The following ADD1 variants were observed in gnomAD, a reference collection of about 807,000 sequenced individuals.
The protein encoded by ADD1 is alpha-adducin.
In ADD1, 24 loss-of-function variants were observed where a neutral mutation model predicts 80.5. The ratio of observed to expected loss-of-function variants is 0.30; its 90% CI spans 0.22 to 0.42. The LOEUF is 0.42. Among genes scored for constraint, ADD1 ranks in the 10% least tolerant of loss-of-function variants. ADD1 has a pLI of 1.00. For missense variants in ADD1, 948 were observed against 1,019.0 expected (o/e 0.93, Z 0.95); for synonymous variants, 373 against 393.8 (o/e 0.95, Z 0.63).
chr4:2,918,002 A>G (rs1040203236), intron 14 of ADD1, among the ~76,000 whole-genome samples: 2 of 152,112 alleles, frequency 1.3e-5, no homozygotes, highest in African/African-American at 4.8e-5. Flanking sequence ...TCTTGGCCAT[A>G]CGGGCTCTTT....
intron 4 of ADD1, among the ~76,000 whole-genome samples, chr4:2,885,662 T>C (rs997392460): frequency 8.6e-5 from 13 of 151,882 alleles, no homozygotes; most frequent in African/African-American, 2.9e-4. Flanking sequence ...CAGGCTGGAG[T>C]GCAGTGGTGC....
intron 4 of ADD1, among the ~76,000 whole-genome samples, chr4:2,885,474 C>T (rs1050538780): frequency 1.3e-5 from 2 of 152,182 alleles, no homozygotes; most frequent in African/African-American, 4.8e-5. Context: ...ACCAAATGAC[C>T]TCATCATGTC....
Position 2,879,875 on chromosome 4 carries a change from C to T in ADD1, c.196-2023C>T, listed in dbSNP as rs189125243. On this transcript the variant is annotated intron_variant, in intron 2 of 15. Coordinates refer to ENST00000683351, the MANE Select transcript of ADD1 (RefSeq NM_001354761.2). ...GATTACAGGCACAAGCTTCCATGCC[C>T]AGCTAACTTTTGTATTTTTAGTAGA... 9.9e-4 allele frequency among the ~76,000 whole-genome samples: 150 copies of T among 152,254 alleles called. 1 individual carries two copies. Among genetic ancestry groups the T allele is most frequent in the Admixed American group, 3.5e-3 (54 of 15,296 alleles).
Position 2,909,556 on chromosome 4 carries a change from GT to G in ADD1, c.1791+128del. The G allele has an allele frequency of 5.9e-6, 4 of 673,136 alleles. No homozygotes were observed. The South Asian group carries it at 6.9e-5, about 12-fold the overall frequency. The allele number at this position is 673,136 out of a possible 1,614,324, so 41.7% of individuals were successfully genotyped here. On this transcript the variant is annotated intron_variant, in intron 13 of 15. Coordinates refer to ENST00000683351, the MANE Select transcript of ADD1 (RefSeq NM_001354761.2). ...GTAGCTTCAAATGGATCTTTAACCT[GT>G]TTGTGAGATTGTACAGAAGGTTCTG...
chr4:2,897,874 C>A (rs549291677), intron 6 of ADD1, among the ~76,000 whole-genome samples: 3 of 152,156 alleles, frequency 2.0e-5, no homozygotes, highest in Admixed American at 1.3e-4. Context: ...GTGGTCTGCT[C>A]CTTGCACTAG....
intron 1 of ADD1, among the ~76,000 whole-genome samples, chr4:2,860,506 C>CAT (rs1347079295): frequency 1.3e-5 from 2 of 152,174 alleles, no homozygotes; most frequent in Admixed American, 1.3e-4. Context: ...TTTTCTTAGT[C>CAT]ATATGCCTCT....
At chr4:2,866,493 CG>C (rs1469330384) in intron 1 of ADD1, among the ~76,000 whole-genome samples, 1 of 111,828 alleles carries the variant, frequency 8.9e-6, no homozygotes, top group African/African-American at 3.8e-5. Context: ...TATTTTAAAT[CG>C]TTTTTTTTTT....
intron 4 of ADD1, among the ~76,000 whole-genome samples, chr4:2,892,910 T>A (rs950983987): frequency 6.6e-6 from 1 of 151,918 alleles, no homozygotes; most frequent in Non-Finnish European, 1.5e-5. Context: ...TTTTTTTATT[T>A]TTTATTTATT....
At chr4:2,906,240 G>T (rs921563734) in intron 10 of ADD1, among the ~76,000 whole-genome samples, 21 of 152,230 alleles carry the variant, frequency 1.4e-4, no homozygotes, top group African/African-American at 5.1e-4. Flanking sequence ...CAGGGACCCT[G>T]TGTGGCCATG....
chr4:2,903,132 G>A (rs1346885293), intron 9 of ADD1, among the ~76,000 whole-genome samples: 1 of 152,188 alleles, frequency 6.6e-6, no homozygotes, highest in Non-Finnish European at 1.5e-5. Flanking sequence ...AGAGAATTCT[G>A]AATTGAGAGG....
intron 1 of ADD1, among the ~76,000 whole-genome samples, chr4:2,865,615 C>A (rs974419584): frequency 7.2e-5 from 11 of 152,108 alleles, no homozygotes; most frequent in African/African-American, 2.7e-4. Flanking sequence ...GTCAAAACTG[C>A]CTGTTTGTTT....
rs374574919 is a variant in ADD1, at chr4:2,928,870, C to T, written c.*347C>T. The T allele has an allele frequency of 2.6e-4, 69 of 264,264 alleles. No homozygotes were observed. The East Asian group carries it at 3.4e-3, about 13-fold the overall frequency. The allele number at this position is 264,264 out of a possible 1,614,324, so 16.4% of individuals were successfully genotyped here. ...GAGCCTCACCTTTCCTGCCGTCCCT[C>T]CTGTTGTGAAATCACCACATTCTGT... On this transcript the variant is annotated 3_prime_UTR_variant, in exon 16 of 16. Coordinates refer to ENST00000683351, the MANE Select transcript of ADD1 (RefSeq NM_001354761.2).
intron 8 of ADD1, chr4:2,899,009 C>T (rs79317306): frequency 0.012 from 5,881 of 488,842 alleles, 89 homozygotes; most frequent in African/African-American, 0.046. Context: ...GTCCCAAGTC[C>T]TTTGTAGGAT....
chr4:2,908,944 C>G (rs1737527440), intron 12 of ADD1: 1 of 447,218 alleles, frequency 2.2e-6, no homozygotes, highest in African/African-American at 2.0e-5. Flanking sequence ...TTTAGGGACT[C>G]TTGTTCTGGT....
At chr4:2,857,924 A>G (rs946803933) in intron 1 of ADD1, among the ~76,000 whole-genome samples, 151 of 152,194 alleles carry the variant, frequency 9.9e-4, no homozygotes, top group African/African-American at 3.3e-3. Flanking sequence ...CATGCTTCTA[A>G]GGTTCTGTCT....
At chr4:2,869,795 G>T (rs1204773454) in intron 1 of ADD1, among the ~76,000 whole-genome samples, 2 of 152,196 alleles carry the variant, frequency 1.3e-5, no homozygotes, top group Non-Finnish European at 2.9e-5. Flanking sequence ...AATAAGGGAA[G>T]ATACTGCAGA....
intron 10 of ADD1, chr4:2,907,232 A>G (rs139122560): frequency 1.3e-5 from 2 of 153,454 alleles, no homozygotes; most frequent in Non-Finnish European, 2.9e-5. Flanking sequence ...AGTTACGCAG[A>G]CAGTGCATTC....
At chr4:2,892,192 G>A (rs1734403523) in intron 4 of ADD1, among the ~76,000 whole-genome samples, 1 of 152,152 alleles carries the variant, frequency 6.6e-6, no homozygotes. Context: ...TCACTATGTG[G>A]CTTAGGAAGC....
intron 15 of ADD1, among the ~76,000 whole-genome samples, chr4:2,927,249 G>T (rs1711919974): frequency 6.6e-6 from 1 of 152,236 alleles, no homozygotes; most frequent in African/African-American, 2.4e-5. Context: ...AGCGGCGCCT[G>T]TGTGCCCATA....
Sources: allele counts gnomAD v4.1 joint callset (sites outside exome capture counted in the v4.1 genomes callset), GRCh38; gene constraint gnomAD v4.1.1; transcripts MANE v1.5; gene names NCBI Gene and HGNC (gene_info 2026-07-23, HGNC 2026-07-21).